ZNF644: variants seen among roughly 807,000 people sequenced by gnomAD.
The protein encoded by ZNF644 is zinc finger protein 644.
A neutral mutation model predicts 108.0 loss-of-function variants in ZNF644; 20 were observed. That is an observed-to-expected ratio of 0.19 (90% confidence interval 0.13 to 0.27). The LOEUF is 0.27. Among genes scored for constraint, ZNF644 ranks in the 10% least tolerant of loss-of-function variants. The pLI, the probability that ZNF644 is intolerant of heterozygous loss-of-function variation, is 1.00. For synonymous variants in ZNF644, 542 were observed against 539.1 expected (o/e 1.01, Z -0.08); for missense variants, 1,338 against 1,548.9 (o/e 0.86, Z 2.29).
chr1:90,940,850 T>G lies in ZNF644; in HGVS notation c.504A>C (p.Lys168Asn), dbSNP rs1005751148. The G allele has an allele frequency of 6.2e-7, 1 of 1,613,964 alleles. No homozygotes were observed. The highest frequency in any genetic ancestry group is 2.2e-5 in the East Asian group (1 of 44,898). Residue 168 changes from lysine (K) to asparagine (N), a missense_variant, in exon 3 of 6, where the codon AAA (lysine) becomes AAC (asparagine). Lys to Asn is a moderately conservative substitution (Grantham distance 94). Around this residue, in one of 6 missense-constraint regions of ZNF644, gnomAD observed 464 missense variants for 457.9 expected, o/e 1.01. Coordinates refer to ENST00000337393, the MANE Select transcript of ZNF644 (RefSeq NM_201269.3). The stretch of plus-strand genomic sequence containing the variant: ...AAAATAAAACTTGGTGTTGACTTGC[T>G]TTCTGTGGTGTAGACAGCTGAAGAT... ...AADLQLSTPQKASQHQVLFLL... is the reference protein window; with the variant it reads ...AADLQLSTPQNASQHQVLFLL...
chr1:90,949,458 C>T (rs975735537), intron 2 of ZNF644, among the ~76,000 whole-genome samples: 1 of 151,916 alleles, frequency 6.6e-6, no homozygotes. Flanking sequence ...GGTAATAATT[C>T]AAATACAAGA....
chr1:90,958,667 C>A (rs969204490), intron 2 of ZNF644, among the ~76,000 whole-genome samples: 2 of 152,150 alleles, frequency 1.3e-5, no homozygotes, highest in Admixed American at 1.3e-4. Context: ...TAAGCCCAAT[C>A]GTCTATGGCC....
chr1:90,983,345 A>C (rs1358250756), intron 1 of ZNF644, among the ~76,000 whole-genome samples: 2 of 152,122 alleles, frequency 1.3e-5, no homozygotes. Flanking sequence ...GGGGCCTGTT[A>C]AAAACTAAAC....
intron 1 of ZNF644, among the ~76,000 whole-genome samples, chr1:90,984,055 A>G (rs1656843554): frequency 1.3e-5 from 2 of 152,292 alleles, no homozygotes; most frequent in Middle Eastern, 3.4e-3. Flanking sequence ...CAAGGAATGG[A>G]TTCTCTTCTA....
At chr1:90,935,844 C>T (rs371764763) in intron 4 of ZNF644, among the ~76,000 whole-genome samples, 1 of 152,148 alleles carries the variant, frequency 6.6e-6, no homozygotes, top group Non-Finnish European at 1.5e-5. Flanking sequence ...TACTACAATA[C>T]AATCCTGTGA....
Position 90,939,243 on chromosome 1 carries a change from G to A in ZNF644, c.2111C>T (p.Ser704Phe). ...SGVNMCNQNS[S>F]PHKNVTIKSS... ...TTTAATTGTAACATTCTTATGAGGA[G>A]AGCTGTTTTGATTGCACATGTTTAC... Residue 704 changes from serine to phenylalanine, a missense_variant, in exon 3 of 6, where the codon TCT becomes TTT. By Grantham distance (155) the Ser-to-Phe change is radical (BLOSUM62 -2). Coordinates refer to ENST00000337393, the MANE Select transcript of ZNF644 (RefSeq NM_201269.3). The A allele has an allele frequency of 1.9e-6, 3 of 1,613,982 alleles. No individual in the cohort carries two copies. Among genetic ancestry groups the A allele is most frequent in the Non-Finnish European group, 2.5e-6 (3 of 1,179,922 alleles).
At chr1:90,930,595 A>G (rs1173305811) in intron 4 of ZNF644, among the ~76,000 whole-genome samples, 1 of 152,198 alleles carries the variant, frequency 6.6e-6, no homozygotes, top group Non-Finnish European at 1.5e-5. Flanking sequence ...TGACTTCTTA[A>G]GTGGGTAGCA....
At chr1:90,917,906 T>C in intron 5 of ZNF644, 146 bp downstream of exon 5, 1 of 720,048 alleles carries the variant, frequency 1.4e-6, no homozygotes, top group Non-Finnish European at 2.5e-6. Flanking sequence ...TGAATTAAGA[T>C]TTTAAGCCTA....
At chr1:90,992,957 T>C (rs367886847) in intron 1 of ZNF644, among the ~76,000 whole-genome samples, 181 of 152,204 alleles carry the variant, frequency 1.2e-3, no homozygotes, top group African/African-American at 4.2e-3. Flanking sequence ...GGCAGGAGGA[T>C]TGCATGAGCC....
Position 90,937,936 on chromosome 1 carries a change from C to T in ZNF644, c.3237G>A (p.Leu1079=). The T allele has an allele frequency of 6.2e-7, 1 of 1,613,494 alleles. No homozygotes were observed. The highest frequency in any genetic ancestry group is 8.5e-7 in the Non-Finnish European group (1 of 1,179,872). The change falls in exon 4 of 6, where the codon CTG becomes CTA. Residue 1079 remains leucine (L), a synonymous_variant. Transcript: ENST00000337393. Reference sequence around the variant, plus strand: ...TTTCTTCATTTTGCATCATCTCATTCAGAACACAGATTGGAGATTTGTGAG... The same window carrying T: ...TTTCTTCATTTTGCATCATCTCATTTAGAACACAGATTGGAGATTTGTGAG... The part of the protein sequence containing the change: ...WDAHKSPICV[L]NEMMQNEEKY...
chr1:90,981,017 C>T (rs760049857), intron 2 of ZNF644, among the ~76,000 whole-genome samples: 8 of 151,930 alleles, frequency 5.3e-5, no homozygotes, highest in Admixed American at 1.3e-4. Flanking sequence ...AAAATAAGGT[C>T]AGAATAAGTT....
chr1:90,963,139 G>A (rs558499731), intron 2 of ZNF644, among the ~76,000 whole-genome samples: 14 of 152,232 alleles, frequency 9.2e-5, no homozygotes, highest in African/African-American at 3.1e-4. Context: ...AGGGCTGTAT[G>A]TATAAACCAT....
Position 90,938,286 on chromosome 1 carries a change from T to G in ZNF644, c.3068A>C (p.Lys1023Thr). The change falls in exon 3 of 6, where the codon AAA (lysine) becomes ACA (threonine). Residue 1023 changes from lysine to threonine, a missense_variant. Coordinates refer to ENST00000337393, the MANE Select transcript of ZNF644 (RefSeq NM_201269.3). The surrounding 1 kb of genome is among the most constrained non-coding windows in gnomAD (Gnocchi z 4.2). ...GGAGAACTTACCTTTTCTAACTCGTTTAACAGGTGTTCCTGTGCCAGTTCT... is the reference window on the plus strand; with the variant it reads ...GGAGAACTTACCTTTTCTAACTCGTGTAACAGGTGTTCCTGTGCCAGTTCT... Reference protein sequence around the residue: ...FKRTGTGTPVKRVRKAIEKSE... With the variant: ...FKRTGTGTPVTRVRKAIEKSE... The G allele has an allele frequency of 6.2e-7, 1 of 1,614,002 alleles. No individual in the cohort carries two copies. Among genetic ancestry groups the G allele is most frequent in the Non-Finnish European group, 8.5e-7 (1 of 1,179,880 alleles).
At chr1:90,992,288 TAC>T (rs1216684301) in intron 1 of ZNF644, among the ~76,000 whole-genome samples, 1 of 151,966 alleles carries the variant, frequency 6.6e-6, no homozygotes, top group East Asian at 1.9e-4. Context: ...ATGTCAATTA[TAC>T]TTCAATAAAT....
At chr1:90,961,807 G>A (rs1235931396) in intron 2 of ZNF644, among the ~76,000 whole-genome samples, 1 of 151,992 alleles carries the variant, frequency 6.6e-6, no homozygotes, top group Non-Finnish European at 1.5e-5. Context: ...CAATACACTT[G>A]GAAATGTCTA....
Position 90,939,599 on chromosome 1 carries a change from G to C in ZNF644, c.1755C>G (p.Thr585=), listed in dbSNP as rs748762415. The change falls in exon 3 of 6, where the codon ACC becomes ACG. Residue 585 remains threonine, a synonymous_variant. Transcript: ENST00000337393. The part of the protein sequence containing the change: ...SVVGSSKKSA[T]YICKMCPFTT... ...TAAAAGGACACATCTTACATATGTA[G>C]GTAGCTGATTTTTTGGATGATCCTA... The C allele has an allele frequency of 6.8e-6, 11 of 1,613,844 alleles. No homozygotes were observed. In the Admixed American group the frequency reaches 1.3e-4, roughly 20 times the overall value.
intron 4 of ZNF644, among the ~76,000 whole-genome samples, chr1:90,924,168 C>T (rs1570338227): frequency 6.6e-6 from 1 of 152,104 alleles, no homozygotes; most frequent in African/African-American, 2.4e-5. Context: ...AAAAAGCTAA[C>T]AATATCACAA....
intron 2 of ZNF644, among the ~76,000 whole-genome samples, chr1:90,975,801 T>C (rs956303319): frequency 4.6e-5 from 7 of 152,144 alleles, no homozygotes; most frequent in Non-Finnish European, 8.8e-5. Context: ...GTCAGAAGAC[T>C]TAGGTTCCAA....
intron 1 of ZNF644, among the ~76,000 whole-genome samples, chr1:91,017,180 C>T (rs165156): frequency 0.13 from 20,178 of 152,228 alleles, 1,389 homozygotes; most frequent in South Asian, 0.16. Context: ...AAAAAAGATA[C>T]ACATACCAAA....
Sources: gnomAD v4.1 joint callset for allele counts (sites outside exome capture counted in the v4.1 genomes callset) on GRCh38, gnomAD v4.1.1 for gene constraint, gnomAD v4.1.1 regional missense constraint, Gnocchi (gnomAD v3.1) non-coding constraint, MANE v1.5 for transcripts, NCBI Gene and HGNC (gene_info 2026-07-23, HGNC 2026-07-21) for gene names.